The following NAIF1 variants were observed in gnomAD, a reference collection of about 807,000 sequenced individuals.
The protein encoded by NAIF1 is nuclear apoptosis inducing factor 1.
In NAIF1, 14 loss-of-function variants were observed where a neutral mutation model predicts 20.7. The observed-to-expected ratio is 0.67, with a 90% confidence interval of 0.45 to 1.05. NAIF1 has a LOEUF of 1.05. Among genes scored for constraint, NAIF1 ranks in the 50% least tolerant of loss-of-function variants. The probability of loss-of-function intolerance (pLI) is 0.00; values close to 1 mark genes in which losing one functional copy is unlikely to be tolerated. For synonymous variants in NAIF1, 191 were observed against 191.4 expected (o/e 1.00, Z 0.02); for missense variants, 362 against 448.8 (o/e 0.81, Z 1.75).
chr9:128,064,322 C>T (rs577198867), intron 1 of NAIF1, among the ~76,000 whole-genome samples: 5 of 151,680 alleles, frequency 3.3e-5, no homozygotes, highest in African/African-American at 9.7e-5. Flanking sequence ...GTGATCCGCC[C>T]GCCTCGGCCT....
At chr9:128,064,187 CA>C (rs1832752814) in intron 1 of NAIF1, among the ~76,000 whole-genome samples, 1 of 145,820 alleles carries the variant, frequency 6.9e-6, no homozygotes, top group Non-Finnish European at 1.5e-5. Context: ...CTTCCGGGTT[CA>C]CGCCATTCTC....
intron 1 of NAIF1, among the ~76,000 whole-genome samples, chr9:128,065,169 T>C (rs1832763995): frequency 6.7e-6 from 1 of 148,172 alleles, no homozygotes; most frequent in African/African-American, 2.5e-5. Flanking sequence ...CAGGTTGGAG[T>C]TCAGTGGCAC....
In NAIF1 at chr9:128,063,488, G is replaced by C; in HGVS notation, c.924C>G (p.Ala308=). ...RYLQSNTANP[A]PASDPGQVAQ... is the part of the protein sequence containing the mutation. ...CCACCTGCCCAGGGTCAGAGGCGGG[G>C]GCCGGGTTAGCTGTGTTGCTCTGCA... Residue 308 remains alanine (A), a synonymous_variant, in exon 2 of 2, where the codon GCC becomes GCG. Coordinates refer to ENST00000373078, the MANE Select transcript of NAIF1 (RefSeq NM_197956.4). The surrounding 1 kb of genome is among the most constrained non-coding windows in gnomAD (Gnocchi z 4.3). The C allele has an allele frequency of 6.2e-7, 1 of 1,609,720 alleles. No homozygotes were observed. The highest frequency in any genetic ancestry group is 1.1e-5 in the South Asian group (1 of 91,080).
At chr9:128,064,950 A>T (rs1006449893) in intron 1 of NAIF1, among the ~76,000 whole-genome samples, 1 of 150,350 alleles carries the variant, frequency 6.7e-6, no homozygotes, top group African/African-American at 2.4e-5. Context: ...AGCCTGGGCA[A>T]CAAGAGCAAA....
chr9:128,066,019 T>C (rs1353553304), intron 1 of NAIF1: 1 of 152,298 alleles, frequency 6.6e-6, no homozygotes, highest in Non-Finnish European at 1.5e-5. Flanking sequence ...GCCTGTATTT[T>C]AGACAACTTG....
rs180959319 is a variant in NAIF1, at chr9:128,062,135, G to A, written c.*1293C>T. On this transcript the variant is annotated 3_prime_UTR_variant, in exon 2 of 2. Coordinates refer to ENST00000373078, the MANE Select transcript of NAIF1 (RefSeq NM_197956.4). The stretch of plus-strand genomic sequence containing the variant: ...GCCTCCCGGGTAGCTGGGACTACAG[G>A]CGTGTGCCACCACGCCCAGCTAATT... 2.0e-5 allele frequency: 3 copies of A among 152,426 alleles called. No individual in the cohort carries two copies. Among genetic ancestry groups the A allele is most frequent in the Admixed American group, 2.0e-4 (3 of 15,294 alleles). 9.4% of individuals were successfully genotyped at this position (152,426 alleles called of 1,614,324 possible). A position where few individuals can be genotyped will look rare whatever the true frequency, so the allele number is the denominator to read the frequency against.
rs776724295 is a variant in NAIF1, at chr9:128,063,727, G to A, written c.685C>T (p.Leu229=). 6 of 1,614,104 alleles carry A rather than the reference G, an allele frequency of 3.7e-6. No homozygotes were observed. In the Admixed American group the frequency reaches 1.0e-4, roughly 27 times the overall value. The change falls in exon 2 of 2, where the codon CTG becomes TTG. Residue 229 remains leucine, a synonymous_variant. Coordinates refer to ENST00000373078, the MANE Select transcript of NAIF1 (RefSeq NM_197956.4). The surrounding 1 kb of genome is among the most constrained non-coding windows in gnomAD (Gnocchi z 4.3). ...TTGGTGACCCGCTGCTCCTGTATCAGCTTGGCGGAGTTGAGAGCAATGCGG... is the reference window on the plus strand; with the variant it reads ...TTGGTGACCCGCTGCTCCTGTATCAACTTGGCGGAGTTGAGAGCAATGCGG... ...KSRIALNSAK[L]IQEQRVTNLH...
chr9:128,067,104 C>A lies in NAIF1; in HGVS notation c.-3G>T. The A allele has an allele frequency of 6.6e-7, 1 of 1,503,862 alleles. No homozygotes were observed. The highest frequency in any genetic ancestry group is 9.2e-7 in the Non-Finnish European group (1 of 1,087,160). The allele number at this position is 1,503,862 out of a possible 1,614,324, so 93.2% of individuals were successfully genotyped here. On this transcript the variant is annotated 5_prime_UTR_variant, in exon 1 of 2. Transcript: ENST00000373078. ...CTTTTCTTGGCTGGGACGGCCATGG[C>A]CTCTCCCCTCCCCTCTTTTTAAAGA...
At position 128,064,574 on chromosome 9, in the gene NAIF1, A is replaced by G. The variant is rs75255596; in HGVS notation, c.512-674T>C. Among the ~76,000 whole-genome samples the G allele has an allele frequency of 2.0e-3, 312 of 152,336 alleles. 1 individual carries two copies. The highest frequency in any genetic ancestry group is 7.3e-3 in the African/African-American group (302 of 41,586). On this transcript the variant is annotated intron_variant, in intron 1 of 1. Transcript: ENST00000373078. ...CATCTTCATTTTTCAGAGATGAGGA[A>G]ACAGACTGAGAAATGTAGAATGACT...
At position 128,066,887 on chromosome 9, in the gene NAIF1, C is replaced by T. The variant is rs975539243; in HGVS notation, c.215G>A (p.Trp72Ter). 5 of 1,613,086 alleles carry T rather than the reference C, an allele frequency of 3.1e-6. No homozygotes were observed. Among genetic ancestry groups the T allele is most frequent in the Non-Finnish European group, 4.2e-6 (5 of 1,180,020 alleles). ...ACGGACCTCGGTCTTGAGGTCAGAC[C>T]ACTTCTTCTTGACCTCAGGCAGCTC... ...RRELPEVKKK[W>*]SDLKTEVRRK... Residue 72 changes from tryptophan (W) to a stop codon, truncating the protein, a stop_gained, in exon 1 of 2, where the codon TGG becomes TAG. Transcript: ENST00000373078. LOFTEE classifies it high-confidence loss of function.
rs1259907228 is a variant in NAIF1, at chr9:128,061,753, G to A, written c.*1675C>T. On this transcript the variant is annotated 3_prime_UTR_variant, in exon 2 of 2. Transcript: ENST00000373078. ...GTAACCATTGGTCATATGTGGCTGA[G>A]GCACCGACAGCAAATCGCCAAACTT... 1 of 152,226 alleles carries A rather than the reference G, an allele frequency of 6.6e-6. No homozygotes were observed. The highest frequency in any genetic ancestry group is 1.5e-5 in the Non-Finnish European group (1 of 68,048). 9.4% of individuals were successfully genotyped at this position (152,226 alleles called of 1,614,324 possible).
At position 128,067,209 on chromosome 9, in the gene NAIF1, A is replaced by G; in HGVS notation, c.-108T>C. On this transcript the variant is annotated 5_prime_UTR_variant, in exon 1 of 2. Transcript: ENST00000373078. ...CCCTCACCCACCCCCTACAGGGGAT[A>G]GGCCAGGCTTGCTCGAGGCCAAGCA... is the stretch of plus-strand genomic sequence containing the variant. The G allele has an allele frequency of 1.4e-6, 2 of 1,380,784 alleles. No homozygotes were observed. The highest frequency in any genetic ancestry group is 2.3e-5 in the East Asian group (1 of 43,132). The allele number at this position is 1,380,784 out of a possible 1,614,324, so 85.5% of individuals were successfully genotyped here.
At chr9:128,066,282 G>A (rs1418308795) in intron 1 of NAIF1, 3 of 339,756 alleles carry the variant, frequency 8.8e-6, no homozygotes, top group Non-Finnish European at 1.6e-5. Flanking sequence ...AAGTCCTGTG[G>A]GGATACAGAC....
In NAIF1 at chr9:128,063,621, T is replaced by C; in HGVS notation, c.791A>G (p.Gln264Arg). 3 of 1,613,814 alleles carry C rather than the reference T, an allele frequency of 1.9e-6. No individual in the cohort carries two copies. Among genetic ancestry groups the C allele is most frequent in the Non-Finnish European group, 2.5e-6 (3 of 1,180,048 alleles). ...LQMIRRSQEV[Q>R]ACAQERQAQA... ...GGCCTGGCGCTCCTGGGCACAGGCC[T>C]GCACTTCCTGGGAGCGGCGGATCAT... Residue 264 changes from glutamine (Q) to arginine (R), a missense_variant, in exon 2 of 2, where the codon CAG becomes CGG. Coordinates refer to ENST00000373078, the MANE Select transcript of NAIF1 (RefSeq NM_197956.4). The surrounding 1 kb of genome is among the most constrained non-coding windows in gnomAD (Gnocchi z 4.3).
At position 128,063,237 on chromosome 9, in the gene NAIF1, G is replaced by A. The variant is rs1427892015; in HGVS notation, c.*191C>T. The A allele has an allele frequency of 8.3e-6, 5 of 604,566 alleles. No homozygotes were observed. Among genetic ancestry groups the A allele is most frequent in the African/African-American group, 1.9e-5 (1 of 53,970 alleles). 37.5% of individuals were successfully genotyped at this position (604,566 alleles called of 1,614,324 possible). On this transcript the variant is annotated 3_prime_UTR_variant, in exon 2 of 2. Coordinates refer to ENST00000373078, the MANE Select transcript of NAIF1 (RefSeq NM_197956.4). The surrounding 1 kb of genome is among the most constrained non-coding windows in gnomAD (Gnocchi z 4.3). ...GGATCTTAGCAAGGCAGCTCAAGTAGGGGGAGTATGAGTTTGGGTCCCAGG... is the reference window on the plus strand; with the variant it reads ...GGATCTTAGCAAGGCAGCTCAAGTAAGGGGAGTATGAGTTTGGGTCCCAGG...
In NAIF1 at chr9:128,063,788, A is replaced by G. The variant is rs1832746535; in HGVS notation, c.624T>C (p.His208=). 1.2e-6 allele frequency: 2 copies of G among 1,613,878 alleles called. No homozygotes were observed. The highest frequency in any genetic ancestry group is 1.7e-6 in the Non-Finnish European group (2 of 1,180,034). Residue 208 remains histidine (H), a synonymous_variant, in exon 2 of 2, where the codon CAT becomes CAC. Transcript: ENST00000373078. This position sits in a 1 kb window ranked among gnomAD's most constrained non-coding sequence, Gnocchi z 4.3. ...PETPVDMMAQ[H]ADTSVKPQAL... is the part of the protein sequence containing the mutation. ...CTTGCGGCTTGACCGACGTGTCTGC[A>G]TGCTGGGCCATCATGTCCACAGGGG...
At position 128,063,555 on chromosome 9, in the gene NAIF1, A is replaced by G; in HGVS notation, c.857T>C (p.Ile286Thr). ...TTTGATCATAGGCCGGAGGACCTGG[A>G]TGAGGACGCTCAGGGCAGCCTGTGT... is the stretch of plus-strand genomic sequence containing the variant. ...EGTQAALSVLIQVLRPMIKDF... is the reference protein window; with the variant it reads ...EGTQAALSVLTQVLRPMIKDF... Residue 286 changes from isoleucine to threonine, a missense_variant, in exon 2 of 2, where the codon ATC becomes ACC. Physicochemically the swap from Ile to Thr is moderately conservative, Grantham distance 89. Coordinates refer to ENST00000373078, the MANE Select transcript of NAIF1 (RefSeq NM_197956.4). This position sits in a 1 kb window ranked among gnomAD's most constrained non-coding sequence, Gnocchi z 4.3. The G allele has an allele frequency of 6.2e-7, 1 of 1,611,426 alleles. No individual in the cohort carries two copies. The highest frequency in any genetic ancestry group is 8.5e-7 in the Non-Finnish European group (1 of 1,180,026).
At position 128,062,756 on chromosome 9, in the gene NAIF1, T is replaced by A. The variant is rs970757851; in HGVS notation, c.*672A>T. ...AGAGATGCTGTTGAAAACCAGAGAG[T>A]GGCCAAACCGTCCCCACCATACACA... On this transcript the variant is annotated 3_prime_UTR_variant, in exon 2 of 2. Transcript: ENST00000373078. The A allele has an allele frequency of 2.0e-5, 3 of 151,788 alleles. No homozygotes were observed. Among genetic ancestry groups the A allele is most frequent in the African/African-American group, 7.3e-5 (3 of 41,184 alleles). 9.4% of individuals were successfully genotyped at this position (151,788 alleles called of 1,614,324 possible). A position where few individuals can be genotyped will look rare whatever the true frequency, so the allele number is the denominator to read the frequency against.
rs368504113 is a variant in NAIF1, at chr9:128,066,814, C to G, written c.288G>C (p.Pro96=). 2 of 1,610,910 alleles carry G rather than the reference C, an allele frequency of 1.2e-6. No homozygotes were observed. Among genetic ancestry groups the G allele is most frequent in the African/African-American group, 2.7e-5 (2 of 74,918 alleles). ...VRAAVEGGEA[P]GPTEEDGAGG... is the part of the protein sequence containing the mutation. Reference sequence around the variant, plus strand: ...CAGCTCCGTCCTCCTCAGTGGGCCCCGGCGCCTCACCACCCTCCACGGCGG... The same window carrying G: ...CAGCTCCGTCCTCCTCAGTGGGCCCGGGCGCCTCACCACCCTCCACGGCGG... Residue 96 remains proline (P), a synonymous_variant, in exon 1 of 2, where the codon CCG becomes CCC. Transcript: ENST00000373078.
Sources: gnomAD v4.1 joint callset for allele counts (sites outside exome capture counted in the v4.1 genomes callset) on GRCh38, gnomAD v4.1.1 for gene constraint, Gnocchi (gnomAD v3.1) non-coding constraint, MANE v1.5 for transcripts, NCBI Gene and HGNC (gene_info 2026-07-23, HGNC 2026-07-21) for gene names.